The following AKAP13 variants were observed in gnomAD, a reference collection of about 807,000 sequenced individuals.
The protein encoded by AKAP13 is A-kinase anchoring protein 13, also known as A-kinase anchor protein 13.
A neutral mutation model predicts 264.5 loss-of-function variants in AKAP13; 80 were observed. The ratio of observed to expected loss-of-function variants is 0.30; its 90% CI spans 0.25 to 0.36. The LOEUF (loss-of-function observed/expected upper bound fraction) is 0.36, where lower values mean the gene tolerates loss of function less well. AKAP13 is among the 10% of genes least tolerant of loss of function. The probability of loss-of-function intolerance (pLI) is 1.00; values close to 1 mark genes in which losing one functional copy is unlikely to be tolerated. For missense variants in AKAP13, 3,712 were observed against 3,435.2 expected (o/e 1.08, Z -2.01); for synonymous variants, 1,380 against 1,250.2 (o/e 1.10, Z -2.19).
At chr15:85,650,417 G>C (rs1046278015) in intron 10 of AKAP13, among the ~76,000 whole-genome samples, 3 of 150,708 alleles carry the variant, frequency 2.0e-5, no homozygotes, top group African/African-American at 7.3e-5. Flanking sequence ...GGCAACAGAG[G>C]GAGATGCTGT....
intron 8 of AKAP13, among the ~76,000 whole-genome samples, chr15:85,601,406 A>G (rs1481702119): frequency 6.6e-6 from 1 of 152,170 alleles, no homozygotes; most frequent in Non-Finnish European, 1.5e-5. Context: ...AATGTTATGA[A>G]ATTGTTTAGA....
intron 8 of AKAP13, among the ~76,000 whole-genome samples, chr15:85,605,100 T>C (rs1259299575): frequency 7.3e-6 from 1 of 136,116 alleles, no homozygotes; most frequent in Non-Finnish European, 1.6e-5. Flanking sequence ...CTAGATAAAC[T>C]ATTCCCGACA....
rs565744419 is a variant in AKAP13, at chr15:85,394,937, G to C, written c.-12+14139G>C. 4.5e-4 allele frequency among the ~76,000 whole-genome samples: 68 copies of C among 152,242 alleles called. No homozygotes were observed. The South Asian group carries it at 5.2e-3, about 12-fold the overall frequency. ...CAACGACTCCTTTCTACTTTGCTTG[G>C]AGTAACTAATTTTCTTACTATTCTT... On this transcript the variant is annotated intron_variant, in intron 1 of 36. Coordinates refer to ENST00000394518, the MANE Select transcript of AKAP13 (RefSeq NM_007200.5).
At chr15:85,435,536 G>A (rs2073244075) in intron 1 of AKAP13, among the ~76,000 whole-genome samples, 4 of 56,710 alleles carry the variant, frequency 7.1e-5, no homozygotes, top group Admixed American at 2.1e-4. Flanking sequence ...AAGTTGAAAT[G>A]AAGGAAAAAA....
intron 2 of AKAP13, among the ~76,000 whole-genome samples, chr15:85,500,927 T>C (rs2076021975): frequency 6.6e-6 from 1 of 152,198 alleles, no homozygotes; most frequent in African/African-American, 2.4e-5. Flanking sequence ...CTCAGCTGTC[T>C]CTCTTTGTTT....
At chr15:85,472,592 C>T (rs1272454837) in intron 1 of AKAP13, among the ~76,000 whole-genome samples, 1 of 152,198 alleles carries the variant, frequency 6.6e-6, no homozygotes, top group Non-Finnish European at 1.5e-5. Flanking sequence ...AAGCAATCCT[C>T]TCCCCTTAGC....
intron 4 of AKAP13, chr15:85,534,307 GA>G (rs1185522877): frequency 1.5e-5 from 3 of 197,648 alleles, no homozygotes; most frequent in African/African-American, 4.6e-5. Context: ...CAGTGAGTGG[GA>G]GGAGCATGAG....
At chr15:85,390,518 C>G (rs2070803672) in intron 1 of AKAP13, among the ~76,000 whole-genome samples, 1 of 152,136 alleles carries the variant, frequency 6.6e-6, no homozygotes, top group Admixed American at 6.5e-5. Flanking sequence ...GAGACCAGAT[C>G]AAATAGGCTC....
At chr15:85,693,506 C>T (rs1237083787) in intron 17 of AKAP13, 55 bp downstream of exon 17, 1 of 1,586,156 alleles carries the variant, frequency 6.3e-7, no homozygotes, top group African/African-American at 1.4e-5. Context: ...CTCAAGAAAG[C>T]TCATTTCTTG....
chr15:85,471,738 T>G (rs545369533), intron 1 of AKAP13, among the ~76,000 whole-genome samples: 104 of 152,334 alleles, frequency 6.8e-4, no homozygotes, highest in South Asian at 2.9e-3. Context: ...CTTTTGCCTT[T>G]TCTAGAATTG....
chr15:85,534,105 G>T, intron 4 of AKAP13: 1 of 472,036 alleles, frequency 2.1e-6, no homozygotes, highest in Admixed American at 3.8e-5. Flanking sequence ...ATTACCCAAG[G>T]AGAGTGGCAC....
intron 8 of AKAP13, among the ~76,000 whole-genome samples, chr15:85,588,693 T>A (rs1262225888): frequency 6.6e-6 from 1 of 152,126 alleles, no homozygotes; most frequent in African/African-American, 2.4e-5. Flanking sequence ...GTTGAGAGAG[T>A]GAATATTCCT....
chr15:85,694,201 C>T (rs1349892796), intron 17 of AKAP13, among the ~76,000 whole-genome samples: 1 of 152,208 alleles, frequency 6.6e-6, no homozygotes, highest in Non-Finnish European at 1.5e-5. Flanking sequence ...GCCATAGTGA[C>T]GGCCAAGGGA....
At chr15:85,621,310 G>C (rs1344106259) in intron 8 of AKAP13, 3 of 152,190 alleles carry the variant, frequency 2.0e-5, no homozygotes, top group African/African-American at 7.2e-5. Flanking sequence ...ATCACTGTCA[G>C]GTGGTTGACT....
chr15:85,466,914 A>T (rs1395639285), intron 1 of AKAP13, among the ~76,000 whole-genome samples: 1 of 149,784 alleles, frequency 6.7e-6, no homozygotes, highest in Non-Finnish European at 1.5e-5. Flanking sequence ...TTTGTTTACC[A>T]TCCCTTCACT....
intron 1 of AKAP13, among the ~76,000 whole-genome samples, chr15:85,483,965 ACT>A (rs2075442152): frequency 6.6e-6 from 1 of 152,162 alleles, no homozygotes; most frequent in Admixed American, 6.5e-5. Flanking sequence ...ATTGGACGAC[ACT>A]CTTTTAATTT....
chr15:85,733,134 G>T (rs2088176470), intron 30 of AKAP13, among the ~76,000 whole-genome samples: 1 of 152,180 alleles, frequency 6.6e-6, no homozygotes, highest in Non-Finnish European at 1.5e-5. Context: ...TCTCTAGCAT[G>T]TGCCTCAGGA....
intron 2 of AKAP13, among the ~76,000 whole-genome samples, chr15:85,498,450 C>G (rs752204427): frequency 6.6e-6 from 1 of 152,036 alleles, no homozygotes; most frequent in Non-Finnish European, 1.5e-5. Context: ...TATCTCCTCA[C>G]CCATGTGAGA....
At chr15:85,623,028 C>G (rs1393697317) in intron 8 of AKAP13, among the ~76,000 whole-genome samples, 1 of 152,152 alleles carries the variant, frequency 6.6e-6, no homozygotes, top group Non-Finnish European at 1.5e-5. Flanking sequence ...AGTTTTCTCA[C>G]AATTCTAAAA....
Sources: gnomAD v4.1 joint callset for allele counts (sites outside exome capture counted in the v4.1 genomes callset) on GRCh38, gnomAD v4.1.1 for gene constraint, MANE v1.5 for transcripts, NCBI Gene and HGNC (gene_info 2026-07-23, HGNC 2026-07-21) for gene names.